CLSTN2: variants seen among roughly 807,000 people sequenced by gnomAD.
CLSTN2 encodes the protein calsyntenin 2.
A neutral mutation model predicts 101.2 loss-of-function variants in CLSTN2; 48 were observed. That is an observed-to-expected ratio of 0.47 (90% CI 0.38 to 0.60). The LOEUF is 0.60. Among genes scored for constraint, CLSTN2 ranks in the 20% least tolerant of loss-of-function variants. The pLI, the probability that CLSTN2 is intolerant of heterozygous loss-of-function variation, is 0.00. For synonymous variants in CLSTN2, 481 were observed against 463.6 expected, an observed-to-expected ratio of 1.04 and a Z score of -0.48; for missense variants, 1,160 against 1,238.2, an observed-to-expected ratio of 0.94 and a Z score of 0.95.
intron 1 of CLSTN2, among the ~76,000 whole-genome samples, chr3:140,051,514 G>T (rs2007992305): frequency 6.6e-6 from 1 of 152,158 alleles, no homozygotes; most frequent in Admixed American, 6.5e-5. Flanking sequence ...CAGGCAAAAG[G>T]ATAGGGAGGA....
At chr3:140,461,286 G>A (rs1386840948) in intron 7 of CLSTN2, 2 of 152,204 alleles carry the variant, frequency 1.3e-5, no homozygotes, top group African/African-American at 4.8e-5. Context: ...GCAGGAAGGT[G>A]GAGGTTTGGG....
chr3:140,369,833 C>T (rs760916984), intron 2 of CLSTN2, among the ~76,000 whole-genome samples: 1 of 152,268 alleles, frequency 6.6e-6, no homozygotes, highest in Non-Finnish European at 1.5e-5. Context: ...GATGGACACA[C>T]ATGGCCCCAC....
At chr3:139,965,782 G>A (rs1245311062) in intron 1 of CLSTN2, among the ~76,000 whole-genome samples, 1 of 152,080 alleles carries the variant, frequency 6.6e-6, no homozygotes, top group Non-Finnish European at 1.5e-5. Flanking sequence ...CCTTTCTCTA[G>A]AAGCCTCTAG....
intron 2 of CLSTN2, among the ~76,000 whole-genome samples, chr3:140,269,389 C>T (rs568448801): frequency 6.6e-6 from 1 of 152,294 alleles, no homozygotes; most frequent in South Asian, 2.1e-4. Context: ...TTTCATTTCA[C>T]CTTTCTCCTG....
rs188276586 is a variant in CLSTN2 at position 140,419,617 on chromosome 3, G to A, written c.638-1508G>A. 1.0e-4 allele frequency among the ~76,000 whole-genome samples: 5 copies of A among 48,926 alleles called. 2 individuals are homozygous for A. In the African/African-American group the frequency reaches 1.2e-3, roughly 11 times the overall value. The allele number at this position is 48,926 out of a possible 152,430, so 32.1% of individuals were successfully genotyped here. On this transcript the variant is annotated intron_variant, in intron 4 of 16. Transcript: ENST00000458420. ...TATATGTATATATACATATATACGT[G>A]TACGTATATATGTATATATACATAT...
At chr3:140,204,427 A>T (rs971539225) in intron 2 of CLSTN2, among the ~76,000 whole-genome samples, 1 of 152,218 alleles carries the variant, frequency 6.6e-6, no homozygotes. Flanking sequence ...CCTACCCCAC[A>T]TCCTTGAGGG....
intron 2 of CLSTN2, among the ~76,000 whole-genome samples, chr3:140,362,442 A>G (rs535428396): frequency 1.3e-5 from 2 of 152,224 alleles, no homozygotes; most frequent in African/African-American, 4.8e-5. Context: ...ATGACTCATA[A>G]AAACATTTAT....
At chr3:140,216,109 C>G (rs1384670016) in intron 2 of CLSTN2, among the ~76,000 whole-genome samples, 1 of 152,134 alleles carries the variant, frequency 6.6e-6, no homozygotes, top group Non-Finnish European at 1.5e-5. Context: ...GCGCATGAAC[C>G]CTATTGTGAA....
intron 2 of CLSTN2, among the ~76,000 whole-genome samples, chr3:140,287,844 A>G (rs1398179995): frequency 6.6e-6 from 1 of 152,144 alleles, no homozygotes; most frequent in Non-Finnish European, 1.5e-5. Context: ...TCATTGAGCC[A>G]TTTATTTTGT....
chr3:140,077,110 T>C (rs1191476712), intron 1 of CLSTN2, among the ~76,000 whole-genome samples: 1 of 152,184 alleles, frequency 6.6e-6, no homozygotes, highest in Non-Finnish European at 1.5e-5. Flanking sequence ...ATGGAAAGCA[T>C]GTAGAAGTTA....
intron 2 of CLSTN2, among the ~76,000 whole-genome samples, chr3:140,401,266 C>A (rs1029677707): frequency 9.2e-5 from 14 of 152,216 alleles, no homozygotes; most frequent in African/African-American, 3.1e-4. Flanking sequence ...TTGATGAAAA[C>A]AAAGTGGGTC....
At chr3:140,092,400 A>G (rs760246975) in intron 1 of CLSTN2, among the ~76,000 whole-genome samples, 7 of 152,354 alleles carry the variant, frequency 4.6e-5, no homozygotes, top group Middle Eastern at 3.4e-3. Flanking sequence ...GCTGGTGTTC[A>G]CTAAATTGTA....
At chr3:140,233,474 G>A (rs1023465899) in intron 2 of CLSTN2, among the ~76,000 whole-genome samples, 6 of 152,136 alleles carry the variant, frequency 3.9e-5, no homozygotes, top group African/African-American at 1.4e-4. Flanking sequence ...GACTCTCTGA[G>A]AAAAGGAATA....
intron 1 of CLSTN2, among the ~76,000 whole-genome samples, chr3:139,950,181 T>C (rs1935273138): frequency 6.6e-6 from 1 of 152,190 alleles, no homozygotes; most frequent in South Asian, 2.1e-4. Context: ...GGGATTCCCT[T>C]ATGGGAATCC....
intron 1 of CLSTN2, among the ~76,000 whole-genome samples, chr3:140,148,516 G>A (rs1472672187): frequency 6.6e-6 from 1 of 152,112 alleles, no homozygotes; most frequent in Admixed American, 6.5e-5. Flanking sequence ...TTTTCATAAT[G>A]ACCCACTAAT....
At chr3:140,490,621 GC>G (rs1205697093) in intron 8 of CLSTN2, among the ~76,000 whole-genome samples, 158 of 145,022 alleles carry the variant, frequency 1.1e-3, no homozygotes, top group African/African-American at 3.7e-3. Flanking sequence ...AAAAAACATG[GC>G]ACATCCACTG....
At chr3:140,519,332 T>G (rs1441393895) in intron 8 of CLSTN2, among the ~76,000 whole-genome samples, 1 of 152,198 alleles carries the variant, frequency 6.6e-6, no homozygotes, top group African/African-American at 2.4e-5. Flanking sequence ...AGATAGCTAT[T>G]AGGTCCACTT....
chr3:140,147,758 T>A (rs1425317523), intron 1 of CLSTN2, among the ~76,000 whole-genome samples: 1 of 152,190 alleles, frequency 6.6e-6, no homozygotes, highest in African/African-American at 2.4e-5. Context: ...TAGTTTTTCA[T>A]CCTTCCCTCC....
chr3:140,354,350 C>T (rs955541054), intron 2 of CLSTN2, among the ~76,000 whole-genome samples: 3 of 152,192 alleles, frequency 2.0e-5, no homozygotes, highest in South Asian at 4.1e-4. Flanking sequence ...TGGTTAAAGA[C>T]ATCTCATGCC....
Sources: allele counts gnomAD v4.1 joint callset (sites outside exome capture counted in the v4.1 genomes callset), GRCh38; gene constraint gnomAD v4.1.1; transcripts MANE v1.5; gene names NCBI Gene and HGNC (gene_info 2026-07-23, HGNC 2026-07-21).